CHST9: variants seen among roughly 807,000 people sequenced by gnomAD.
The protein encoded by CHST9 is carbohydrate sulfotransferase 9.
A neutral mutation model predicts 44.4 loss-of-function variants in CHST9; 41 were observed. The observed-to-expected ratio is 0.92, with a 90% CI of 0.72 to 1.20. The LOEUF is 1.20. CHST9 is among the 50% of genes most tolerant of loss of function. The pLI is 0.00. For missense variants in CHST9, 504 were observed against 516.5 expected (o/e 0.98, Z 0.23); for synonymous variants, 171 against 178.4 (o/e 0.96, Z 0.33).
At position 26,908,748 on chromosome 18, in the gene CHST9, A is replaced by T. The variant is rs2055401968; in HGVS notation, c.*7511T>A. On this transcript the variant is annotated 3_prime_UTR_variant, in exon 6 of 6. Coordinates refer to ENST00000618847, the MANE Select transcript of CHST9 (RefSeq NM_031422.6). ...AATGTTGGCAATGTCATATGGTTCA[A>T]CCTAATAGAAAGGCAAAAAGAGACA... 1 of 152,200 alleles carries T rather than the reference A, an allele frequency of 6.6e-6. No homozygotes were observed. Among genetic ancestry groups the T allele is most frequent in the South Asian group, 2.1e-4 (1 of 4,824 alleles). 9.4% of individuals were successfully genotyped at this position (152,200 alleles called of 1,614,324 possible). A position where few individuals can be genotyped will look rare whatever the true frequency, so the allele number is the denominator to read the frequency against.
intron 5 of CHST9, among the ~76,000 whole-genome samples, chr18:26,926,330 T>TC (rs2145073600): frequency 6.6e-6 from 1 of 152,346 alleles, no homozygotes; most frequent in Admixed American, 6.5e-5. Flanking sequence ...CTATTTTTTT[T>TC]CTGCTTGAAG....
At position 26,991,853 on chromosome 18, in the gene CHST9, T is replaced by C. The variant is rs556833212; in HGVS notation, c.202+32263A>G. On this transcript the variant is annotated intron_variant, in intron 4 of 5. Transcript: ENST00000618847. ...GGCCCAGAGCAGTTTTGTAAAGTGA[T>C]GGAAGTGAAAGTCCCTGTGGAAGGG... Among the ~76,000 whole-genome samples, 52 of 126,550 alleles carry C rather than the reference T, an allele frequency of 4.1e-4. 7 individuals are homozygous for C. The highest frequency in any genetic ancestry group is 1.3e-3 in the African/African-American group (48 of 37,632). The allele number at this position is 126,550 out of a possible 152,430, so 83.0% of individuals were successfully genotyped here.
intron 4 of CHST9, among the ~76,000 whole-genome samples, chr18:26,953,781 C>T (rs541300176): frequency 1.9e-4 from 29 of 152,184 alleles, no homozygotes; most frequent in African/African-American, 6.3e-4. Context: ...ACCATTGCTC[C>T]CAATTAGCCT....
At chr18:27,061,753 G>C (rs2057724152) in intron 2 of CHST9, among the ~76,000 whole-genome samples, 1 of 151,790 alleles carries the variant, frequency 6.6e-6, no homozygotes, top group African/African-American at 2.4e-5. Flanking sequence ...CTGTGATGAA[G>C]GCAGAAAGAA....
intron 2 of CHST9, among the ~76,000 whole-genome samples, chr18:27,074,081 A>T (rs543659548): frequency 6.6e-6 from 1 of 152,306 alleles, no homozygotes; most frequent in South Asian, 2.1e-4. Flanking sequence ...CAGAACAAAG[A>T]AATTCATATT....
intron 2 of CHST9, among the ~76,000 whole-genome samples, chr18:27,053,130 G>GGAAGAAGAAGAAGAAGAAGAA (rs200427246): frequency 1.5e-3 from 109 of 71,224 alleles, no homozygotes; most frequent in Middle Eastern, 7.6e-3. Flanking sequence ...AGGAAGAAGA[G>GGAAGAAGAAGAAGAAGAAGAA]GAAGAAGAAG....
At chr18:27,004,166 C>T (rs1308427299) in intron 4 of CHST9, among the ~76,000 whole-genome samples, 2 of 151,474 alleles carry the variant, frequency 1.3e-5, no homozygotes, top group South Asian at 2.1e-4. Flanking sequence ...GGAGGAAGAA[C>T]AGAATGAAAG....
At position 26,910,022 on chromosome 18, in the gene CHST9, T is replaced by C. The variant is rs1453683683; in HGVS notation, c.*6237A>G. 6.6e-6 allele frequency: 1 copy of C among 152,074 alleles called. No homozygotes were observed. Among genetic ancestry groups the C allele is most frequent in the Non-Finnish European group, 1.5e-5 (1 of 68,030 alleles). The allele number at this position is 152,074 out of a possible 1,614,324, so 9.4% of individuals were successfully genotyped here. On this transcript the variant is annotated 3_prime_UTR_variant, in exon 6 of 6. Coordinates refer to ENST00000618847, the MANE Select transcript of CHST9 (RefSeq NM_031422.6). ...AGAAGAGATTTTTGGATGAAGGTTA[T>C]AGAACAGCAGTCTAGAGGCAGCAGT...
intron 2 of CHST9, among the ~76,000 whole-genome samples, chr18:27,057,721 G>T (rs570819704): frequency 6.6e-6 from 1 of 152,248 alleles, no homozygotes; most frequent in South Asian, 2.1e-4. Flanking sequence ...CCTTGGCAGG[G>T]CTGACTCTCC....
At chr18:26,987,408 C>T (rs188493038) in intron 4 of CHST9, among the ~76,000 whole-genome samples, 362 of 152,166 alleles carry the variant, frequency 2.4e-3, no homozygotes, top group Middle Eastern at 3.4e-3. Context: ...TTATAAATGA[C>T]CCAGTCTCAG....
chr18:26,947,872 T>C (rs2056188018), intron 4 of CHST9, among the ~76,000 whole-genome samples: 1 of 152,200 alleles, frequency 6.6e-6, no homozygotes, highest in Non-Finnish European at 1.5e-5. Flanking sequence ...AGAAATACCA[T>C]TTAAGCCAGC....
intron 3 of CHST9, among the ~76,000 whole-genome samples, chr18:27,041,483 C>T (rs7242278): frequency 0.39 from 59,709 of 151,980 alleles, 12,169 homozygotes; most frequent in East Asian, 0.5. Flanking sequence ...GAAGATAATA[C>T]TTCTCCCCTG....
chr18:27,111,575 T>C (rs899972882), intron 2 of CHST9, among the ~76,000 whole-genome samples: 2 of 151,890 alleles, frequency 1.3e-5, no homozygotes, highest in Non-Finnish European at 2.9e-5. Flanking sequence ...AATTCAAGAG[T>C]GCCACACAAA....
At chr18:27,077,004 A>G (rs895667272) in intron 2 of CHST9, among the ~76,000 whole-genome samples, 1 of 152,248 alleles carries the variant, frequency 6.6e-6, no homozygotes, top group Non-Finnish European at 1.5e-5. Flanking sequence ...TTCTCACTCT[A>G]CTAGAAAAGG....
intron 1 of CHST9, among the ~76,000 whole-genome samples, chr18:27,151,926 G>A (rs781656787): frequency 3.3e-5 from 5 of 152,140 alleles, no homozygotes; most frequent in South Asian, 2.1e-4. Context: ...CAAAGAAAAC[G>A]AACACAGTAC....
At chr18:27,025,404 T>G (rs1035098345) in intron 3 of CHST9, among the ~76,000 whole-genome samples, 1 of 151,914 alleles carries the variant, frequency 6.6e-6, no homozygotes, top group African/African-American at 2.4e-5. Context: ...ATAATATTGC[T>G]TTGCTAACCC....
chr18:27,052,735 T>A (rs2057582767), intron 2 of CHST9, among the ~76,000 whole-genome samples: 1 of 152,136 alleles, frequency 6.6e-6, no homozygotes, highest in Non-Finnish European at 1.5e-5. Flanking sequence ...TGGAATACTA[T>A]GCAGCCATAA....
rs191447461 is a variant in CHST9, at chr18:26,964,901, C to G, written c.203-20535G>C. ...AGAGGTGACATGAGGGACAAATGCA[C>G]AGGGAAAGGAGCGAAGATGGGAGGT... On this transcript the variant is annotated intron_variant, in intron 4 of 5. Coordinates refer to ENST00000618847, the MANE Select transcript of CHST9 (RefSeq NM_031422.6). Among the ~76,000 whole-genome samples the G allele has an allele frequency of 1.3e-4, 20 of 152,248 alleles. No individual in the cohort carries two copies. The East Asian group carries it at 3.9e-3, about 29-fold the overall frequency.
Position 26,916,924 on chromosome 18 carries a change from C to T in CHST9, c.667G>A (p.Gly223Ser). The T allele has an allele frequency of 6.2e-7, 1 of 1,613,770 alleles. No homozygotes were observed. Among genetic ancestry groups the T allele is most frequent in the Non-Finnish European group, 8.5e-7 (1 of 1,179,812 alleles). The change falls in exon 6 of 6, where the codon GGC (glycine) becomes AGC (serine). Residue 223 changes from glycine to serine, a missense_variant. Transcript: ENST00000618847. ...KILYCEVPKA[G>S]CSNWKRILMV... ...AGAATTCTTTTCCAATTGGAACAGC[C>T]AGCCTTAGGTACCTCACAATATAAG...
Sources: gnomAD v4.1 joint callset for allele counts (sites outside exome capture counted in the v4.1 genomes callset) on GRCh38, gnomAD v4.1.1 for gene constraint, MANE v1.5 for transcripts, NCBI Gene and HGNC (gene_info 2026-07-23, HGNC 2026-07-21) for gene names.